HDAC9: variants seen among roughly 807,000 people sequenced by gnomAD.
HDAC9 encodes MEF-2 interacting transcription repressor (MITR) protein.
Under a neutral mutation model 139.4 loss-of-function variants are expected in HDAC9, and 41 were observed. The ratio of observed to expected loss-of-function variants is 0.29; its 90% confidence interval spans 0.23 to 0.38. The LOEUF (loss-of-function observed/expected upper bound fraction) is 0.38. HDAC9 is among the 10% of genes least tolerant of loss of function. HDAC9 has a pLI of 1.00. For synonymous variants in HDAC9, 517 were observed against 476.2 expected (o/e 1.09, Z -1.12); for missense variants, 1,147 against 1,297.0 (o/e 0.88, Z 1.78).
At chr7:18,909,354 C>T (rs758511713) in intron 22 of HDAC9, among the ~76,000 whole-genome samples, 13 of 151,866 alleles carry the variant, frequency 8.6e-5, no homozygotes, top group Non-Finnish European at 1.8e-4. Flanking sequence ...TGTCTTTTCA[C>T]TTTGTTGATT....
intron 1 of HDAC9, among the ~76,000 whole-genome samples, chr7:18,153,108 G>GT (rs149309341): frequency 6.6e-6 from 1 of 152,276 alleles, no homozygotes; most frequent in East Asian, 1.9e-4. Context: ...ATTAGTGAAG[G>GT]TAAGTTCTTT....
chr7:18,612,649 A>G (rs1470205117), intron 6 of HDAC9, among the ~76,000 whole-genome samples: 1 of 101,306 alleles, frequency 9.9e-6, no homozygotes, highest in Non-Finnish European at 2.0e-5. Context: ...TTCATAGGTA[A>G]GCATTGGAAA....
At chr7:18,639,159 T>A (rs73067073) in intron 8 of HDAC9, among the ~76,000 whole-genome samples, 5,635 of 152,184 alleles carry the variant, frequency 0.037, 121 homozygotes, top group South Asian at 0.065. Flanking sequence ...TCTAAAATCA[T>A]CTGTAATGTC....
intron 25 of HDAC9, among the ~76,000 whole-genome samples, chr7:18,991,422 C>T (rs533128256): frequency 1.7e-4 from 26 of 152,220 alleles, no homozygotes; most frequent in Middle Eastern, 3.4e-3. Flanking sequence ...GGGCAGATCA[C>T]GAGGTCAGAT....
intron 12 of HDAC9, among the ~76,000 whole-genome samples, chr7:18,718,308 T>C (rs1018213844): frequency 6.6e-6 from 1 of 152,190 alleles, no homozygotes; most frequent in African/African-American, 2.4e-5. Context: ...GTTGGCTCAC[T>C]GCAATCTCCG....
intron 2 of HDAC9, among the ~76,000 whole-genome samples, chr7:18,515,665 A>G (rs1405165263): frequency 6.6e-6 from 1 of 152,250 alleles, no homozygotes; most frequent in African/African-American, 2.4e-5. Context: ...ATTCATTAGC[A>G]TTTAAAGGAA....
chr7:18,603,238 G>GT (rs1400686038), intron 6 of HDAC9, among the ~76,000 whole-genome samples: 8 of 151,878 alleles, frequency 5.3e-5, no homozygotes, highest in African/African-American at 1.2e-4. Flanking sequence ...AGAACGTCTT[G>GT]TTTTTTAAAT....
chr7:18,587,863 G>A (rs2695028), intron 3 of HDAC9, among the ~76,000 whole-genome samples: 40,699 of 152,056 alleles, frequency 0.27, 6,042 homozygotes, highest in East Asian at 0.48. Flanking sequence ...TAATTAAATT[G>A]TGTGCTTTTC....
intron 16 of HDAC9, among the ~76,000 whole-genome samples, chr7:18,770,628 G>T (rs1790208099): frequency 6.6e-6 from 1 of 152,126 alleles, no homozygotes; most frequent in Non-Finnish European, 1.5e-5. Flanking sequence ...TGCGGCTTTT[G>T]AGTTGTCATT....
intron 6 of HDAC9, among the ~76,000 whole-genome samples, chr7:18,628,040 T>A (rs1233318497): frequency 6.6e-6 from 1 of 152,190 alleles, no homozygotes; most frequent in Non-Finnish European, 1.5e-5. Context: ...ACCTTTGATA[T>A]CCCTTGTGGT....
At chr7:18,358,849 C>A (rs1039319741) in intron 1 of HDAC9, among the ~76,000 whole-genome samples, 1 of 152,168 alleles carries the variant, frequency 6.6e-6, no homozygotes, top group African/African-American at 2.4e-5. Flanking sequence ...GGTATAATAA[C>A]CACGTTAGAA....
intron 1 of HDAC9, among the ~76,000 whole-genome samples, chr7:18,345,175 C>A (rs1343094854): frequency 6.6e-6 from 1 of 151,992 alleles, no homozygotes; most frequent in Admixed American, 6.6e-5. Context: ...ATTGGTAATT[C>A]TATGACCTGA....
At chr7:18,767,210 C>G (rs1188027723) in intron 16 of HDAC9, 55 bp downstream of exon 16, 2 of 1,027,872 alleles carry the variant, frequency 1.9e-6, no homozygotes, top group Admixed American at 2.8e-5. Flanking sequence ...AAAAAAAAAT[C>G]TTTTTTGATT....
chr7:18,670,750 T>G (rs1411776581), intron 12 of HDAC9, among the ~76,000 whole-genome samples: 1 of 152,082 alleles, frequency 6.6e-6, no homozygotes, highest in Non-Finnish European at 1.5e-5. Flanking sequence ...TGCTTACTTC[T>G]GTCCAATTTA....
chr7:18,990,337 G>C (rs1280353925), intron 25 of HDAC9, among the ~76,000 whole-genome samples: 1 of 151,162 alleles, frequency 6.6e-6, no homozygotes, highest in Non-Finnish European at 1.5e-5. Context: ...CCTGCTGAGG[G>C]GTGCCTCCCA....
chr7:18,958,698 G>C (rs998193680), intron 24 of HDAC9, among the ~76,000 whole-genome samples: 4 of 152,112 alleles, frequency 2.6e-5, no homozygotes, highest in Non-Finnish European at 5.9e-5. Flanking sequence ...GAATCAGCTA[G>C]TCTGTCAATG....
intron 12 of HDAC9, 61 bp downstream of exon 12, chr7:18,666,537 G>A (rs1381339776): frequency 1.1e-5 from 17 of 1,566,662 alleles, no homozygotes; most frequent in Non-Finnish European, 1.5e-5. Flanking sequence ...AACATGAAAT[G>A]CATTGCAGGT....
At chr7:18,830,535 G>A (rs550395456) in intron 19 of HDAC9, among the ~76,000 whole-genome samples, 9 of 152,174 alleles carry the variant, frequency 5.9e-5, no homozygotes, top group African/African-American at 1.7e-4. Context: ...TCACGGCCTC[G>A]CCCTCCAGCC....
At chr7:18,940,196 A>G (rs1477818155) in intron 23 of HDAC9, among the ~76,000 whole-genome samples, 1 of 152,108 alleles carries the variant, frequency 6.6e-6, no homozygotes, top group Non-Finnish European at 1.5e-5. Context: ...GTACCAAAAA[A>G]CTTGATTTTT....
Sources: gnomAD v4.1 joint callset for allele counts (sites outside exome capture counted in the v4.1 genomes callset) on GRCh38, gnomAD v4.1.1 for gene constraint, MANE v1.5 for transcripts, NCBI Gene and HGNC (gene_info 2026-07-23, HGNC 2026-07-21) for gene names.